KAT14: variants seen among roughly 807,000 people sequenced by gnomAD.
KAT14 encodes lysine acetyltransferase 14.
In KAT14, 66 loss-of-function variants were observed where a neutral mutation model predicts 78.4. The observed-to-expected ratio is 0.84, with a 90% CI of 0.69 to 1.03. KAT14 has a LOEUF of 1.03. Ranked by LOEUF, KAT14 falls within the 50% of genes least tolerant of loss-of-function variation. KAT14 has a pLI of 0.00. For synonymous variants in KAT14, 344 were observed against 359.4 expected (o/e 0.96, Z 0.48); for missense variants, 870 against 972.5 (o/e 0.89, Z 1.40).
intron 4 of KAT14, 34 bp from the exon 5 acceptor site, chr20:18,159,050 G>C: frequency 1.3e-6 from 2 of 1,578,840 alleles, no homozygotes; most frequent in Non-Finnish European, 1.7e-6. Flanking sequence ...ATGAGCAAAA[G>C]TGCCAATCAT....
chr20:18,174,996 A>AT (rs1010264837), intron 7 of KAT14, among the ~76,000 whole-genome samples: 17 of 148,126 alleles, frequency 1.1e-4, no homozygotes, highest in African/African-American at 2.0e-4. Flanking sequence ...ATGGGTCTTG[A>AT]TTTTTTTTTT....
Position 18,142,774 on chromosome 20 carries a change from G to C in KAT14, c.114G>C (p.Leu38=), listed in dbSNP as rs758097005. 6.8e-6 allele frequency: 11 copies of C among 1,614,204 alleles called. No individual in the cohort carries two copies. The highest frequency in any genetic ancestry group is 6.8e-6 in the Non-Finnish European group (8 of 1,180,046). The stretch of plus-strand genomic sequence containing the variant: ...GTGAAGTGGAGGGAGAGACGCTCCT[G>C]ATCGTCGAATCCGAGGATCAGGCAT... ...EEGEVEGETL[L]IVESEDQASV... is the part of the protein sequence containing the mutation. Residue 38 remains leucine (L), a synonymous_variant, in exon 2 of 11, where the codon CTG becomes CTC. Transcript: ENST00000688188.
chr20:18,139,997 T>C (rs1161569242), intron 1 of KAT14, among the ~76,000 whole-genome samples: 1 of 152,028 alleles, frequency 6.6e-6, no homozygotes, highest in Non-Finnish European at 1.5e-5. Flanking sequence ...GTTAGAAAGG[T>C]AGTTCAGTGA....
In KAT14 at chr20:18,172,916, C is replaced by A. The variant is rs866837740; in HGVS notation, c.1669-8794C>A. On this transcript the variant is annotated intron_variant, in intron 7 of 10. Coordinates refer to ENST00000688188, the MANE Select transcript of KAT14 (RefSeq NM_001392073.1). Reference sequence around the variant, plus strand: ...TATAGCTCTGTGAGTAGTTCTCAGTCTTTTTTGAGCCTGTGCTCTGGGCTG... The same window carrying A: ...TATAGCTCTGTGAGTAGTTCTCAGTATTTTTTGAGCCTGTGCTCTGGGCTG... Among the ~76,000 whole-genome samples, 3 of 152,100 alleles carry A rather than the reference C, an allele frequency of 2.0e-5. No individual in the cohort carries two copies. In the South Asian group the frequency reaches 6.2e-4, roughly 32 times the overall value.
intron 7 of KAT14, among the ~76,000 whole-genome samples, chr20:18,167,987 A>G (rs572083100): frequency 2.0e-5 from 3 of 151,876 alleles, no homozygotes; most frequent in South Asian, 2.1e-4. Context: ...CACTCGTCCT[A>G]TTGTTTCTTT....
intron 1 of KAT14, chr20:18,138,626 C>T (rs1471808455): frequency 4.5e-6 from 1 of 221,056 alleles, no homozygotes; most frequent in East Asian, 1.8e-4. Flanking sequence ...GATGTTTGCA[C>T]TTCTCGTTTA....
Position 18,187,528 on chromosome 20 carries a change from GTGAT to G in KAT14, c.*75_*78del. 1 of 1,594,244 alleles carries G rather than the reference GTGAT, an allele frequency of 6.3e-7. No individual in the cohort carries two copies. Among genetic ancestry groups the G allele is most frequent in the Non-Finnish European group, 8.5e-7 (1 of 1,174,114 alleles). On this transcript the variant is annotated 3_prime_UTR_variant, in exon 11 of 11. Transcript: ENST00000688188. ...AGGTCTTTGTGGAGATCTAAAGGCA[GTGAT>G]TGATTTCACAGGGAGCTCTAATCTC...
chr20:18,138,432 T>C, intron 1 of KAT14: 1 of 1,002,870 alleles, frequency 1.0e-6, no homozygotes, highest in South Asian at 4.7e-5. Flanking sequence ...CTTGGGCCGC[T>C]AGAAAATAGA....
In KAT14 at chr20:18,138,050, A is replaced by G; in HGVS notation, c.-455A>G. ...CATGTGAAGCAGCAGTGGGACCAGC[A>G]GGTCGGTGTCACGTGACCGTCTCTT... On this transcript the variant is annotated splice_region_variant and 5_prime_UTR_variant, in exon 1 of 11. Transcript: ENST00000688188. 1 of 1,481,380 alleles carries G rather than the reference A, an allele frequency of 6.8e-7. No individual in the cohort carries two copies. The allele number at this position is 1,481,380 out of a possible 1,614,324, so 91.8% of individuals were successfully genotyped here. A position where few individuals can be genotyped will look rare whatever the true frequency, so the allele number is the denominator to read the frequency against.
At chr20:18,174,345 C>G (rs894262640) in intron 7 of KAT14, among the ~76,000 whole-genome samples, 2 of 109,192 alleles carry the variant, frequency 1.8e-5, no homozygotes, top group Non-Finnish European at 4.0e-5. Context: ...AGTGGAATTG[C>G]TTTGTCAAAT....
chr20:18,184,563 G>A (rs779587007), intron 9 of KAT14, 39 bp from the exon 10 acceptor site: 5 of 1,556,606 alleles, frequency 3.2e-6, no homozygotes, highest in African/African-American at 1.4e-5. Context: ...AATTCTCAAA[G>A]GCATGTGGTT....
intron 7 of KAT14, among the ~76,000 whole-genome samples, chr20:18,180,773 G>A (rs992041028): frequency 7.7e-5 from 11 of 142,296 alleles, no homozygotes; most frequent in African/African-American, 1.8e-4. Flanking sequence ...ACAAAACATC[G>A]GACCTTGTGA....
intron 10 of KAT14, 58 bp from the exon 11 acceptor site, chr20:18,187,228 A>C: frequency 1.6e-5 from 24 of 1,496,482 alleles, no homozygotes; most frequent in African/African-American, 2.8e-5. Flanking sequence ...TTCTTTACCT[A>C]CTCATTTTCC....
At chr20:18,155,438 G>A (rs77116021) in intron 4 of KAT14, among the ~76,000 whole-genome samples, 104 of 152,234 alleles carry the variant, frequency 6.8e-4, no homozygotes, top group Non-Finnish European at 1.2e-3. Context: ...ACAGCTTGTA[G>A]CATCCAGGGT....
At chr20:18,161,534 TA>T (rs1331197204) in intron 5 of KAT14, among the ~76,000 whole-genome samples, 2 of 152,148 alleles carry the variant, frequency 1.3e-5, no homozygotes, top group Admixed American at 1.3e-4. Context: ...CAAAAGAAAC[TA>T]AAGTTGAGTA....
intron 4 of KAT14, among the ~76,000 whole-genome samples, chr20:18,155,810 C>T (rs749598486): frequency 2.6e-5 from 4 of 152,098 alleles, no homozygotes; most frequent in African/African-American, 9.7e-5. Context: ...ATTGTACAAT[C>T]GTTGTGGAAA....
chr20:18,145,078 C>T, intron 2 of KAT14, 155 bp from the exon 3 acceptor site: 2 of 1,411,596 alleles, frequency 1.4e-6, no homozygotes, highest in Non-Finnish European at 1.8e-6. Context: ...AGAAATCTTT[C>T]TAATTCCCTT....
Position 18,142,325 on chromosome 20 carries a change from A to G in KAT14, c.-336A>G. On this transcript the variant is annotated 5_prime_UTR_variant, in exon 2 of 11. It removes an upstream start codon present in the reference 5' UTR. Coordinates refer to ENST00000688188, the MANE Select transcript of KAT14 (RefSeq NM_001392073.1). ...GCAACTTGAAGCAGAAAGAGAGAAG[A>G]TGTTATTGGCAAAAGGATCTCAAAA... 1 of 1,536,898 alleles carries G rather than the reference A, an allele frequency of 6.5e-7. No individual in the cohort carries two copies. Among genetic ancestry groups the G allele is most frequent in the Non-Finnish European group, 8.7e-7 (1 of 1,146,698 alleles).
At chr20:18,137,763 C>T (rs911621987), upstream of KAT14, 3 of 509,714 alleles carry the variant, frequency 5.9e-6, no homozygotes, top group South Asian at 4.0e-5. Context: ...GCCAAGAGTT[C>T]GTAGAGCCTG....
Sources: allele counts gnomAD v4.1 joint callset (sites outside exome capture counted in the v4.1 genomes callset), GRCh38; gene constraint gnomAD v4.1.1; transcripts MANE v1.5; gene names NCBI Gene and HGNC (gene_info 2026-07-23, HGNC 2026-07-21).